RNF170: variants seen among roughly 807,000 people sequenced by gnomAD.
RNF170 encodes ring finger protein 170, also known as E3 ubiquitin-protein ligase RNF170.
A neutral mutation model predicts 32.7 loss-of-function variants in RNF170; 12 were observed. The ratio of observed to expected loss-of-function variants is 0.37; its 90% CI spans 0.24 to 0.60. The LOEUF (loss-of-function observed/expected upper bound fraction) is 0.60. Ranked by LOEUF, RNF170 falls within the 20% of genes least tolerant of loss-of-function variation. The pLI, the probability that RNF170 is intolerant of heterozygous loss-of-function variation, is 0.72. For synonymous variants in RNF170, 91 were observed against 103.6 expected (o/e 0.88, Z 0.74); for missense variants, 212 against 311.2 (o/e 0.68, Z 2.40).
intron 1 of RNF170, among the ~76,000 whole-genome samples, chr8:42,893,506 T>C (rs1806487707): frequency 6.6e-6 from 1 of 152,194 alleles, no homozygotes; most frequent in Admixed American, 6.5e-5. Context: ...AGCTTCCTCA[T>C]ACGTAAAAGG....
At chr8:42,864,734 C>A (rs564246722) in intron 5 of RNF170, among the ~76,000 whole-genome samples, 1 of 151,804 alleles carries the variant, frequency 6.6e-6, no homozygotes, top group Non-Finnish European at 1.5e-5. Flanking sequence ...TCATTATATA[C>A]CATTTAAAGC....
chr8:42,895,679 C>G (rs1270457727), intron 1 of RNF170, among the ~76,000 whole-genome samples: 1 of 152,182 alleles, frequency 6.6e-6, no homozygotes, highest in African/African-American at 2.4e-5. Context: ...CACTGGAATA[C>G]TAGGCAACAA....
At chr8:42,882,736 G>A (rs575601056) in intron 2 of RNF170, among the ~76,000 whole-genome samples, 9 of 152,188 alleles carry the variant, frequency 5.9e-5, no homozygotes, top group East Asian at 5.8e-4. Context: ...CTACTTAGAT[G>A]GGCATAAAGT....
chr8:42,876,934 C>CCACT, intron 2 of RNF170, among the ~76,000 whole-genome samples: 1 of 149,178 alleles, frequency 6.7e-6, no homozygotes, highest in South Asian at 2.1e-4. Flanking sequence ...GGATTACAGG[C>CCACT]GTGAGCCACT....
chr8:42,872,732 C>T (rs1171368978), intron 3 of RNF170, among the ~76,000 whole-genome samples: 1 of 151,852 alleles, frequency 6.6e-6, no homozygotes, highest in African/African-American at 2.4e-5. Flanking sequence ...TGAGCCACTG[C>T]ACCTGGCCCC....
In RNF170 at chr8:42,853,986, A is replaced by G; in HGVS notation, c.*2173T>C. On this transcript the variant is annotated 3_prime_UTR_variant, in exon 7 of 7. Coordinates refer to ENST00000527424, the MANE Select transcript of RNF170 (RefSeq NM_030954.4). ...CAAAATAAAATCCTGTCAAAAAATG[A>G]CATCACCATTCCCCCACACCAAATG... 7.8e-7 allele frequency: 1 copy of G among 1,287,196 alleles called. No homozygotes were observed. Among genetic ancestry groups the G allele is most frequent in the Non-Finnish European group, 1.0e-6 (1 of 988,644 alleles). 79.7% of individuals were successfully genotyped at this position (1,287,196 alleles called of 1,614,324 possible).
At chr8:42,872,743 G>A (rs544577152) in intron 3 of RNF170, among the ~76,000 whole-genome samples, 12 of 152,002 alleles carry the variant, frequency 7.9e-5, no homozygotes, top group African/African-American at 2.4e-4. Flanking sequence ...ACCTGGCCCC[G>A]CTTAAGTTAT....
At chr8:42,893,872 TTAATC>T (rs1025004417) in intron 1 of RNF170, among the ~76,000 whole-genome samples, 1 of 152,178 alleles carries the variant, frequency 6.6e-6, no homozygotes, top group Non-Finnish European at 1.5e-5. Context: ...CATGCCCTCT[TTAATC>T]TGATAAGCAG....
chr8:42,850,966 T>C, downstream of RNF170: 1 of 1,551,632 alleles, frequency 6.4e-7, no homozygotes, highest in Non-Finnish European at 8.7e-7. Context: ...ATGGGTCTGC[T>C]CACTTGCACG....
chr8:42,879,919 C>G (rs1481772539), intron 2 of RNF170, among the ~76,000 whole-genome samples: 1 of 152,144 alleles, frequency 6.6e-6, no homozygotes, highest in Non-Finnish European at 1.5e-5. Flanking sequence ...AAGTGATCTG[C>G]CTGCCTCGCC....
intron 3 of RNF170, among the ~76,000 whole-genome samples, chr8:42,873,378 T>C (rs1177954251): frequency 2.0e-5 from 3 of 152,218 alleles, no homozygotes; most frequent in African/African-American, 7.2e-5. Context: ...GTTAGATATC[T>C]TAGCCTGAAG....
Position 42,865,468 on chromosome 8 carries a change from C to T in RNF170, c.344G>A (p.Trp115Ter). The T allele has an allele frequency of 6.2e-7, 1 of 1,613,704 alleles. No homozygotes were observed. The highest frequency in any genetic ancestry group is 8.5e-7 in the Non-Finnish European group (1 of 1,179,758). Residue 115 changes from tryptophan to a stop codon, truncating the protein, a stop_gained, in exon 5 of 7, where the codon TGG becomes TAG. Transcript: ENST00000527424. LOFTEE classifies it high-confidence loss of function. ...TGCCCCAAGCCATGAACCATATCGCCAGTAAGCAATAATGCAGGCACCTAA... is the reference window on the plus strand; with the variant it reads ...TGCCCCAAGCCATGAACCATATCGCTAGTAAGCAATAATGCAGGCACCTAA... The part of the protein sequence containing the change: ...LFCGACIIAY[W>*]RYGSWLGAIS...
At chr8:42,889,182 CAG>C (rs1806089429) in intron 1 of RNF170, 1 of 152,196 alleles carries the variant, frequency 6.6e-6, no homozygotes. Context: ...GCTTATGGTT[CAG>C]AATTCTTTGA....
chr8:42,872,701 A>G (rs542883508), intron 3 of RNF170, among the ~76,000 whole-genome samples: 4 of 152,146 alleles, frequency 2.6e-5, no homozygotes, highest in East Asian at 3.9e-4. Flanking sequence ...TTGGCCTCTC[A>G]AAGTGCTGGG....
chr8:42,859,199 A>G (rs940047409), intron 6 of RNF170, among the ~76,000 whole-genome samples: 2 of 152,140 alleles, frequency 1.3e-5, no homozygotes, highest in Non-Finnish European at 2.9e-5. Flanking sequence ...TTCAAACACA[A>G]GAGCATCATG....
chr8:42,868,660 C>T (rs528302923), intron 4 of RNF170, among the ~76,000 whole-genome samples: 1 of 152,134 alleles, frequency 6.6e-6, no homozygotes, highest in East Asian at 1.9e-4. Context: ...CGAGACCAGT[C>T]TGGCCAACAT....
At chr8:42,890,817 G>A (rs563557430) in intron 1 of RNF170, among the ~76,000 whole-genome samples, 7 of 152,170 alleles carry the variant, frequency 4.6e-5, no homozygotes, top group East Asian at 3.9e-4. Flanking sequence ...TGGGGGCTTC[G>A]ACAGCACAAC....
At chr8:42,897,018 C>T (rs559730060), upstream of RNF170, 1,219 of 733,644 alleles carry the variant, frequency 1.7e-3, 10 homozygotes, top group African/African-American at 0.02. Context: ...GCGGCCGGAT[C>T]CGAGGAGCAG....
upstream of RNF170, chr8:42,896,980 A>T (rs1385366602): frequency 2.2e-6 from 1 of 463,296 alleles, no homozygotes; most frequent in Non-Finnish European, 3.5e-6. Flanking sequence ...GACGGTGCGG[A>T]GCCGCTGCCA....
Sources: gnomAD v4.1 joint callset for allele counts (sites outside exome capture counted in the v4.1 genomes callset) on GRCh38, gnomAD v4.1.1 for gene constraint, MANE v1.5 for transcripts, NCBI Gene and HGNC (gene_info 2026-07-23, HGNC 2026-07-21) for gene names.